Variants in PRR16 observed in about 807,000 individuals in gnomAD.
PRR16 encodes the protein protein Largen.
A neutral mutation model predicts 18.2 loss-of-function variants in PRR16; 6 were observed. That is an observed-to-expected ratio of 0.33 (90% CI 0.18 to 0.65). The LOEUF is 0.65. PRR16 is among the 30% of genes least tolerant of loss of function. The pLI, the probability that PRR16 is intolerant of heterozygous loss-of-function variation, is 0.74. For synonymous variants in PRR16, 151 were observed against 147.8 expected (o/e 1.02, Z -0.16); for missense variants, 412 against 376.6 (o/e 1.09, Z -0.78).
At chr5:120,591,094 A>G (rs1753620393) in intron 1 of PRR16, among the ~76,000 whole-genome samples, 1 of 151,922 alleles carries the variant, frequency 6.6e-6, no homozygotes, top group Non-Finnish European at 1.5e-5. Context: ...CCTGGCCAAC[A>G]TAGTGAAACA....
the PRR16 span, among the ~76,000 whole-genome samples, chr5:120,741,361 C>T: frequency 0.1 from 15,875 of 152,108 alleles, 1,046 homozygotes; most frequent in African/African-American, 0.18. Context: ...GCTACTCAAC[C>T]CAGCTTTCTT....
At chr5:120,606,915 AT>A (rs1371988281) in intron 1 of PRR16, among the ~76,000 whole-genome samples, 1 of 151,580 alleles carries the variant, frequency 6.6e-6, no homozygotes, top group Non-Finnish European at 1.5e-5. Flanking sequence ...AAAAAAAAAA[AT>A]TGGGGTATGC....
At chr5:120,619,528 C>T (rs991974201) in intron 1 of PRR16, among the ~76,000 whole-genome samples, 2 of 151,960 alleles carry the variant, frequency 1.3e-5, no homozygotes, top group Non-Finnish European at 2.9e-5. Flanking sequence ...TTGAAAACAT[C>T]ATAGGTTAAT....
At chr5:120,518,351 T>A (rs1033976624) in intron 1 of PRR16, among the ~76,000 whole-genome samples, 2 of 152,122 alleles carry the variant, frequency 1.3e-5, no homozygotes, top group African/African-American at 4.8e-5. Context: ...ATATACTGAC[T>A]CTGTAGGAGA....
chr5:120,602,638 T>C (rs1754020817), intron 1 of PRR16, among the ~76,000 whole-genome samples: 1 of 152,090 alleles, frequency 6.6e-6, no homozygotes, highest in African/African-American at 2.4e-5. Context: ...TCTTGTCTTG[T>C]GCTGGTTTTC....
intron 1 of PRR16, among the ~76,000 whole-genome samples, chr5:120,599,043 T>G (rs1753901339): frequency 6.6e-6 from 1 of 151,884 alleles, no homozygotes. Flanking sequence ...AACTTGCTGT[T>G]CTTGTAATAT....
intron 1 of PRR16, among the ~76,000 whole-genome samples, chr5:120,685,010 A>C (rs911286764): frequency 6.6e-6 from 1 of 152,082 alleles, no homozygotes; most frequent in Non-Finnish European, 1.5e-5. Flanking sequence ...GCTTTGTATT[A>C]GTTTAGGGTC....
At chr5:120,571,006 A>G (rs1424660475) in intron 1 of PRR16, among the ~76,000 whole-genome samples, 2 of 152,122 alleles carry the variant, frequency 1.3e-5, no homozygotes, top group Admixed American at 1.3e-4. Flanking sequence ...CCAAGCTGGA[A>G]TGGGGTTATT....
chr5:120,677,718 T>C (rs1756844010), intron 1 of PRR16, among the ~76,000 whole-genome samples: 3 of 152,130 alleles, frequency 2.0e-5, no homozygotes, highest in Non-Finnish European at 4.4e-5. Context: ...AAAGATTCAC[T>C]CAAATTGAAA....
At chr5:120,787,263 C>A in the PRR16 span, among the ~76,000 whole-genome samples, 76 of 152,106 alleles carry the variant, frequency 5.0e-4, no homozygotes, top group African/African-American at 1.8e-3. Context: ...AATGGAAGTT[C>A]ATAAAATTAT....
intron 1 of PRR16, among the ~76,000 whole-genome samples, chr5:120,656,740 G>C (rs1334171927): frequency 6.6e-6 from 1 of 151,902 alleles, no homozygotes; most frequent in Non-Finnish European, 1.5e-5. Flanking sequence ...TATTGACTTA[G>C]TATCATACAT....
chr5:120,715,476 A>C, the PRR16 span, among the ~76,000 whole-genome samples: 1 of 152,188 alleles, frequency 6.6e-6, no homozygotes. Flanking sequence ...CAAAAGTCAA[A>C]CTTTAATGAA....
intron 1 of PRR16, among the ~76,000 whole-genome samples, chr5:120,622,519 G>A (rs6897625): frequency 0.018 from 2,661 of 151,398 alleles, 78 homozygotes; most frequent in African/African-American, 0.058. Context: ...TTGCTATGTC[G>A]CCAGGCTGGA....
chr5:120,479,672 G>T (rs532224578), intron 1 of PRR16, among the ~76,000 whole-genome samples: 28 of 152,036 alleles, frequency 1.8e-4, no homozygotes, highest in Non-Finnish European at 8.8e-5. Flanking sequence ...GCTAGCACTT[G>T]TAAAGAAGAA....
rs948651127 is a variant in PRR16 at position 120,574,528 on chromosome 5, C to T, written c.159+109883C>T. 6.7e-5 allele frequency among the ~76,000 whole-genome samples: 10 copies of T among 150,100 alleles called. 1 individual carries two copies. The highest frequency in any genetic ancestry group is 1.3e-4 in the Admixed American group (2 of 15,248). On this transcript the variant is annotated intron_variant, in intron 1 of 1. Coordinates refer to ENST00000407149, the MANE Select transcript of PRR16 (RefSeq NM_001300783.2). ...CTGAGGCATGATAATCACTTGAACC[C>T]GAGAGGCAGAGGTTGCAGAATCAAG...
chr5:120,519,907 T>C (rs1751117474), intron 1 of PRR16, among the ~76,000 whole-genome samples: 1 of 152,108 alleles, frequency 6.6e-6, no homozygotes, highest in African/African-American at 2.4e-5. Flanking sequence ...TTATACCACT[T>C]TTCAGGTTTC....
chr5:120,592,163 C>A (rs1045099641), intron 1 of PRR16, among the ~76,000 whole-genome samples: 3 of 152,140 alleles, frequency 2.0e-5, no homozygotes, highest in Admixed American at 2.0e-4. Context: ...TGTCATACTA[C>A]CCTTCCATAA....
intron 1 of PRR16, among the ~76,000 whole-genome samples, chr5:120,680,024 A>G (rs1172748167): frequency 1.3e-5 from 2 of 152,134 alleles, no homozygotes; most frequent in Non-Finnish European, 1.5e-5. Flanking sequence ...ATGGGTAACT[A>G]TGTGAGATGA....
intron 1 of PRR16, among the ~76,000 whole-genome samples, chr5:120,500,413 G>C (rs547837443): frequency 6.6e-6 from 1 of 152,160 alleles, no homozygotes; most frequent in African/African-American, 2.4e-5. Flanking sequence ...TAATGTCCAG[G>C]GTTTTTAGTT....
Sources: allele counts gnomAD v4.1 joint callset (sites outside exome capture counted in the v4.1 genomes callset), GRCh38; gene constraint gnomAD v4.1.1; transcripts MANE v1.5; gene names NCBI Gene and HGNC (gene_info 2026-07-23, HGNC 2026-07-21).